The following KIRREL3 variants were observed in gnomAD, a reference collection of about 807,000 sequenced individuals.
The protein encoded by KIRREL3 is kirre like nephrin family adhesion molecule 3, also known as kin of IRRE-like protein 3.
A neutral mutation model predicts 89.7 loss-of-function variants in KIRREL3; 36 were observed. The ratio of observed to expected loss-of-function variants is 0.40; its 90% confidence interval spans 0.31 to 0.53. The LOEUF (loss-of-function observed/expected upper bound fraction) is 0.53. KIRREL3 is among the 20% of genes least tolerant of loss of function. The probability of loss-of-function intolerance (pLI) is 0.49; values close to 1 mark genes in which losing one functional copy is unlikely to be tolerated. For synonymous variants in KIRREL3, 445 were observed against 441.4 expected (o/e 1.01, Z -0.10); for missense variants, 864 against 1,056.6 (o/e 0.82, Z 2.53).
chr11:126,957,715 G>T (rs1948965659), intron 1 of KIRREL3, among the ~76,000 whole-genome samples: 1 of 152,278 alleles, frequency 6.6e-6, no homozygotes, highest in Admixed American at 6.5e-5. Flanking sequence ...ACCTCTGCCT[G>T]GACAGGAGAG....
At position 126,658,129 on chromosome 11, in the gene KIRREL3, T is replaced by C. The variant is rs184491932; in HGVS notation, c.56-95217A>G. The stretch of plus-strand genomic sequence containing the variant: ...AAGACTCGCAGCTTCAATACCCAAA[T>C]GCTGCCATGTCTGTAGTGGTAATGC... On this transcript the variant is annotated intron_variant, in intron 1 of 16. Transcript: ENST00000525144. 2.3e-3 allele frequency among the ~76,000 whole-genome samples: 357 copies of C among 152,340 alleles called. 3 individuals carry two copies. The highest frequency in any genetic ancestry group is 8.2e-3 in the African/African-American group (340 of 41,574).
At chr11:126,907,758 C>T (rs938487254) in intron 1 of KIRREL3, among the ~76,000 whole-genome samples, 1 of 152,066 alleles carries the variant, frequency 6.6e-6, no homozygotes, top group African/African-American at 2.4e-5. Flanking sequence ...TCAGCAGGAT[C>T]GGGCCCCTGC....
rs1947421213 is a variant in KIRREL3, at chr11:126,704,071, GAT to G, written c.56-141161_56-141160del. Among the ~76,000 whole-genome samples the G allele has an allele frequency of 2.0e-5, 3 of 152,232 alleles. No individual in the cohort carries two copies. The highest frequency in any genetic ancestry group is 2.0e-4 in the Admixed American group (3 of 15,296). ...TTATTTATATACACTCACACAATTAGATATAACTATATTCACACATAGACACA... is the reference window on the plus strand; with the variant it reads ...TTATTTATATACACTCACACAATTAGATAACTATATTCACACATAGACACA... On this transcript the variant is annotated intron_variant, in intron 1 of 16. Coordinates refer to ENST00000525144, the MANE Select transcript of KIRREL3 (RefSeq NM_032531.4). This position sits in a 1 kb window ranked among gnomAD's most constrained non-coding sequence, Gnocchi z 4.2.
In KIRREL3 at chr11:126,923,120, C is replaced by CT. The variant is rs1178565732; in HGVS notation, c.55+77334dup. Among the ~76,000 whole-genome samples the CT allele has an allele frequency of 5.7e-3, 330 of 57,754 alleles. 39 individuals are homozygous for CT. The highest frequency in any genetic ancestry group is 0.038 in the Middle Eastern group (2 of 52). 37.9% of individuals were successfully genotyped at this position (57,754 alleles called of 152,430 possible). On this transcript the variant is annotated intron_variant, in intron 1 of 16. Transcript: ENST00000525144. ...TCTTCTTCTCCTTCTCCTTCTCCTT[C>CT]TCCTTCTTCTCTTCTTCTTCTTCTT...
intron 2 of KIRREL3, among the ~76,000 whole-genome samples, chr11:126,548,723 C>CA (rs1939017165): frequency 6.6e-6 from 1 of 152,224 alleles, no homozygotes; most frequent in South Asian, 2.1e-4. Flanking sequence ...CTCCAGGTGT[C>CA]ATTCATCTCT....
At chr11:126,822,369 CT>C (rs1284694107) in intron 1 of KIRREL3, among the ~76,000 whole-genome samples, 2 of 152,160 alleles carry the variant, frequency 1.3e-5, no homozygotes, top group Non-Finnish European at 2.9e-5. Flanking sequence ...GAGAAGGAGC[CT>C]TGGTGAGTGC....
chr11:126,875,526 C>T (rs1001046788), intron 1 of KIRREL3, among the ~76,000 whole-genome samples: 1 of 152,166 alleles, frequency 6.6e-6, no homozygotes. Flanking sequence ...AATTTTAATG[C>T]CAGCAGAAGG....
At chr11:126,753,743 A>G (rs1188985739) in intron 1 of KIRREL3, among the ~76,000 whole-genome samples, 1 of 152,196 alleles carries the variant, frequency 6.6e-6, no homozygotes, top group Non-Finnish European at 1.5e-5. Context: ...AGTTCTCCGT[A>G]TGATGCTGGG....
At chr11:126,581,731 C>G (rs1358452811) in intron 1 of KIRREL3, among the ~76,000 whole-genome samples, 1 of 152,058 alleles carries the variant, frequency 6.6e-6, no homozygotes, top group South Asian at 2.1e-4. Flanking sequence ...CTGTTATTAA[C>G]TGTAATCACC....
At chr11:126,984,992 T>G (rs2082689440) in intron 1 of KIRREL3, among the ~76,000 whole-genome samples, 1 of 152,176 alleles carries the variant, frequency 6.6e-6, no homozygotes, top group Non-Finnish European at 1.5e-5. Context: ...TCCTTACTTT[T>G]TAAAGGCAGG....
rs1044921876 is a variant in KIRREL3, at chr11:126,909,962, G to A, written c.55+90493C>T. 1.1e-4 allele frequency among the ~76,000 whole-genome samples: 17 copies of A among 152,078 alleles called. No individual in the cohort carries two copies. Among genetic ancestry groups the A allele is most frequent in the African/African-American group, 2.9e-4 (12 of 41,418 alleles). ...TGACAGGGAGCGAGGGATGGAAAGCGGGCAATTTGTTAAGGTTGCAGAGCA... is the reference window on the plus strand; with the variant it reads ...TGACAGGGAGCGAGGGATGGAAAGCAGGCAATTTGTTAAGGTTGCAGAGCA... On this transcript the variant is annotated intron_variant, in intron 1 of 16. Coordinates refer to ENST00000525144, the MANE Select transcript of KIRREL3 (RefSeq NM_032531.4). The surrounding 1 kb of genome is among the most constrained non-coding windows in gnomAD (Gnocchi z 4.5).
chr11:126,844,380 G>T lies in KIRREL3; in HGVS notation c.55+156075C>A, dbSNP rs1213720508. 6.6e-6 allele frequency among the ~76,000 whole-genome samples: 1 copy of T among 152,166 alleles called. No homozygotes were observed. Among genetic ancestry groups the T allele is most frequent in the Non-Finnish European group, 1.5e-5 (1 of 68,024 alleles). ...AACCTTGGGTAAGCAGTGTGGTGTG[G>T]TAACATCTTTCTGGCAAACCATGGA... On this transcript the variant is annotated intron_variant, in intron 1 of 16. Coordinates refer to ENST00000525144, the MANE Select transcript of KIRREL3 (RefSeq NM_032531.4). The surrounding 1 kb of genome is among the most constrained non-coding windows in gnomAD (Gnocchi z 4.8).
In KIRREL3 at chr11:126,994,180, C is replaced by T. The variant is rs1279075164; in HGVS notation, c.55+6275G>A. ...TTCTGGAGATATCACACTGATTTAA[C>T]ATTAAGTGGTGTGTGCGTGTGTGTG... On this transcript the variant is annotated intron_variant, in intron 1 of 16. Coordinates refer to ENST00000525144, the MANE Select transcript of KIRREL3 (RefSeq NM_032531.4). The surrounding 1 kb of genome is among the most constrained non-coding windows in gnomAD (Gnocchi z 5.2). Among the ~76,000 whole-genome samples, 1 of 151,878 alleles carries T rather than the reference C, an allele frequency of 6.6e-6. No individual in the cohort carries two copies. The highest frequency in any genetic ancestry group is 2.4e-5 in the African/African-American group (1 of 41,262).
rs191190693 is a variant in KIRREL3, at chr11:126,871,718, G to A, written c.55+128737C>T. Among the ~76,000 whole-genome samples the A allele has an allele frequency of 2.3e-4, 35 of 152,306 alleles. 2 individuals carry two copies. In the East Asian group the frequency reaches 4.2e-3, roughly 18 times the overall value. ...TGTTTGAGCATCTTCATGATAATGG[G>A]CAGAAAGGAGCTTGTCTTTCTTGGG... On this transcript the variant is annotated intron_variant, in intron 1 of 16. Coordinates refer to ENST00000525144, the MANE Select transcript of KIRREL3 (RefSeq NM_032531.4).
At chr11:126,707,872 C>G (rs1250802222) in intron 1 of KIRREL3, among the ~76,000 whole-genome samples, 1 of 150,474 alleles carries the variant, frequency 6.6e-6, no homozygotes, top group African/African-American at 2.4e-5. Flanking sequence ...TCCTTCCACT[C>G]TGGGCCAAAA....
rs1375301457 is a variant in KIRREL3 at position 126,423,546 on chromosome 11, G to A, written c.*1034C>T. On this transcript the variant is annotated 3_prime_UTR_variant, in exon 17 of 17. Transcript: ENST00000525144. The stretch of plus-strand genomic sequence containing the variant: ...TCAGGTGGTGACTAGGAGGGTTGAG[G>A]TGTAGATATACTTCCTCTCTTCTCG... 1 of 152,182 alleles carries A rather than the reference G, an allele frequency of 6.6e-6. No individual in the cohort carries two copies. Among genetic ancestry groups the A allele is most frequent in the Non-Finnish European group, 1.5e-5 (1 of 68,036 alleles). 9.4% of individuals were successfully genotyped at this position (152,182 alleles called of 1,614,324 possible).
chr11:126,807,629 G>A lies in KIRREL3; in HGVS notation c.55+192826C>T, dbSNP rs1951244996. ...ATGCTGTGCCCTTCCCCATCTCCAT[G>A]CCTTTAAACTTGTCACAGTTCCTGC... is the stretch of plus-strand genomic sequence containing the variant. On this transcript the variant is annotated intron_variant, in intron 1 of 16. Transcript: ENST00000525144. The surrounding 1 kb of genome is among the most constrained non-coding windows in gnomAD (Gnocchi z 4.3). Among the ~76,000 whole-genome samples, 1 of 152,140 alleles carries A rather than the reference G, an allele frequency of 6.6e-6. No individual in the cohort carries two copies. The highest frequency in any genetic ancestry group is 2.4e-5 in the African/African-American group (1 of 41,418).
intron 1 of KIRREL3, chr11:126,920,124 A>T (rs1269287369): frequency 6.6e-6 from 1 of 152,260 alleles, no homozygotes; most frequent in Non-Finnish European, 1.5e-5. Context: ...AAGTTTTCAA[A>T]GATGAAGTAA....
intron 1 of KIRREL3, among the ~76,000 whole-genome samples, chr11:126,632,948 C>G (rs1335378426): frequency 4.0e-5 from 6 of 151,550 alleles, no homozygotes; most frequent in African/African-American, 1.5e-4. Flanking sequence ...AAAAATTAGC[C>G]TGGTGTGGTG....
Sources: gnomAD v4.1 joint callset for allele counts (sites outside exome capture counted in the v4.1 genomes callset) on GRCh38, gnomAD v4.1.1 for gene constraint, Gnocchi (gnomAD v3.1) non-coding constraint, MANE v1.5 for transcripts, NCBI Gene and HGNC (gene_info 2026-07-23, HGNC 2026-07-21) for gene names.